The following IQSEC3 variants were observed in gnomAD, a reference collection of about 807,000 sequenced individuals.
IQSEC3 encodes IQ motif and Sec7 domain ArfGEF 3.
Under a neutral mutation model 105.4 loss-of-function variants are expected in IQSEC3, and 50 were observed. That is an observed-to-expected ratio of 0.47 (90% CI 0.38 to 0.60). The LOEUF is 0.60. IQSEC3 is among the 20% of genes least tolerant of loss of function. The pLI is 0.00. For synonymous variants in IQSEC3, 708 were observed against 746.0 expected (o/e 0.95, Z 0.83); for missense variants, 1,415 against 1,630.0 (o/e 0.87, Z 2.27).
chr12:105,217 G>A (rs1477711170), intron 2 of IQSEC3, among the ~76,000 whole-genome samples: 1 of 152,254 alleles, frequency 6.6e-6, no homozygotes, highest in Non-Finnish European at 1.5e-5. Context: ...AGTGTTCTTT[G>A]TCTCCTTCAT....
intron 1 of IQSEC3, among the ~76,000 whole-genome samples, chr12:89,920 T>A (rs1183710317): frequency 6.6e-6 from 1 of 152,268 alleles, no homozygotes; most frequent in Non-Finnish European, 1.5e-5. Context: ...TTTTTGTTTA[T>A]CTTGGGTAAA....
chr12:122,604 C>G (rs1475198206), intron 2 of IQSEC3, among the ~76,000 whole-genome samples: 1 of 152,186 alleles, frequency 6.6e-6, no homozygotes, highest in Admixed American at 6.5e-5. Flanking sequence ...TGGCAGAGTT[C>G]ATTAATTATC....
At chr12:106,556 A>G (rs1864658977) in intron 2 of IQSEC3, 1 of 152,286 alleles carries the variant, frequency 6.6e-6, no homozygotes, top group Non-Finnish European at 1.5e-5. Flanking sequence ...AGTTAAGGAA[A>G]TACCCCTAAC....
chr12:81,641 G>A (rs2136884402), intron 1 of IQSEC3, among the ~76,000 whole-genome samples: 2 of 152,294 alleles, frequency 1.3e-5, no homozygotes, highest in South Asian at 4.1e-4. Flanking sequence ...TTGACGGATG[G>A]CGTTTGAGAC....
chr12:159,796 T>C (rs1866822252), intron 7 of IQSEC3, among the ~76,000 whole-genome samples: 1 of 152,224 alleles, frequency 6.6e-6, no homozygotes, highest in South Asian at 2.1e-4. Flanking sequence ...TTTTCTTAAA[T>C]GTTGTATTTG....
At position 163,583 on chromosome 12, in the gene IQSEC3, T is replaced by C; in HGVS notation, c.2673T>C (p.His891=). The change falls in exon 9 of 14, where the codon CAT becomes CAC. Residue 891 remains histidine (H), a synonymous_variant. Transcript: ENST00000538872. ...DVNKLQKQAA[H]QREVFLFNDL... The stretch of plus-strand genomic sequence containing the variant: ...ACAAGCTGCAGAAGCAGGCAGCGCA[T>C]CAGAGGGAGGTGTTCCTCTTCAATG... 1 of 1,594,116 alleles carries C rather than the reference T, an allele frequency of 6.3e-7. No individual in the cohort carries two copies. The highest frequency in any genetic ancestry group is 8.6e-7 in the Non-Finnish European group (1 of 1,162,912).
At chr12:139,453 T>G in intron 4 of IQSEC3, 99 bp downstream of exon 4, 1 of 1,012,058 alleles carries the variant, frequency 9.9e-7, no homozygotes, top group Non-Finnish European at 1.4e-6. Context: ...GCCAGGTAAC[T>G]TCCCACGTCA....
At chr12:101,970 G>T (rs2136922048) in intron 2 of IQSEC3, among the ~76,000 whole-genome samples, 1 of 152,278 alleles carries the variant, frequency 6.6e-6, no homozygotes, top group East Asian at 1.9e-4. Flanking sequence ...CTCCTCTAGT[G>T]GAATGTGTCA....
At chr12:103,487 G>A (rs1177727232) in intron 2 of IQSEC3, among the ~76,000 whole-genome samples, 11 of 58,554 alleles carry the variant, frequency 1.9e-4, no homozygotes, top group African/African-American at 2.3e-4. Context: ...GAGGGGAGGC[G>A]GGGCTCGGGG....
At chr12:154,986 C>T (rs781837803) in intron 5 of IQSEC3, among the ~76,000 whole-genome samples, 1 of 152,186 alleles carries the variant, frequency 6.6e-6, no homozygotes, top group African/African-American at 2.4e-5. Context: ...TTCACCTCCT[C>T]CAGGCTCTCT....
At chr12:116,870 G>A (rs574428481) in intron 2 of IQSEC3, among the ~76,000 whole-genome samples, 1 of 152,216 alleles carries the variant, frequency 6.6e-6, no homozygotes, top group African/African-American at 2.4e-5. Context: ...GGGAAGGACC[G>A]ACACAAATTC....
chr12:165,663 T>C, intron 10 of IQSEC3, 66 bp from the exon 11 acceptor site: 1 of 1,599,120 alleles, frequency 6.3e-7, no homozygotes, highest in East Asian at 2.2e-5. Context: ...TCCTCATGTC[T>C]GGCTGGCTCT....
At chr12:153,555 C>G (rs1398121101) in intron 5 of IQSEC3, among the ~76,000 whole-genome samples, 2 of 152,174 alleles carry the variant, frequency 1.3e-5, no homozygotes. Context: ...ATTTCACAGC[C>G]AGAAAATGTC....
rs1375335071 is a variant in IQSEC3 at position 175,604 on chromosome 12, T to A, written c.*571T>A. ...AGCCTGAAACTCTCAGGAGTCTACT[T>A]CTTGGTCCCCAGGGACATTGGCTGT... On this transcript the variant is annotated 3_prime_UTR_variant, in exon 14 of 14. Coordinates refer to ENST00000538872, the MANE Select transcript of IQSEC3 (RefSeq NM_001170738.2). 1 of 152,448 alleles carries A rather than the reference T, an allele frequency of 6.6e-6. No homozygotes were observed. Among genetic ancestry groups the A allele is most frequent in the East Asian group, 1.9e-4 (1 of 5,140 alleles). 9.4% of individuals were successfully genotyped at this position (152,448 alleles called of 1,614,324 possible).
chr12:126,594 G>C (rs12578264), intron 3 of IQSEC3, among the ~76,000 whole-genome samples: 1 of 150,680 alleles, frequency 6.6e-6, no homozygotes, highest in African/African-American at 2.4e-5. Flanking sequence ...AAGGTGTGAT[G>C]GTGTGATACT....
chr12:80,931 G>A (rs79410690), intron 1 of IQSEC3, among the ~76,000 whole-genome samples: 3,757 of 152,304 alleles, frequency 0.025, 70 homozygotes, highest in Middle Eastern at 0.068. Flanking sequence ...CTGCCAGGTT[G>A]TTCAAGTAAG....
intron 1 of IQSEC3, among the ~76,000 whole-genome samples, chr12:81,708 A>G (rs1863751653): frequency 6.6e-6 from 1 of 152,192 alleles, no homozygotes; most frequent in South Asian, 2.1e-4. Flanking sequence ...GGCTGGAGGT[A>G]TAACTTTGGG....
At chr12:160,296 CTG>C (rs1173138494) in intron 7 of IQSEC3, among the ~76,000 whole-genome samples, 1 of 152,078 alleles carries the variant, frequency 6.6e-6, no homozygotes, top group Non-Finnish European at 1.5e-5. Flanking sequence ...ATGAATGACT[CTG>C]TGAACACAGG....
At chr12:121,314 A>G (rs1865211382) in intron 2 of IQSEC3, among the ~76,000 whole-genome samples, 2 of 152,224 alleles carry the variant, frequency 1.3e-5, no homozygotes, top group Non-Finnish European at 2.9e-5. Flanking sequence ...TTCCACTATG[A>G]CAGCCTAAGG....
Sources: gnomAD v4.1 joint callset for allele counts (sites outside exome capture counted in the v4.1 genomes callset) on GRCh38, gnomAD v4.1.1 for gene constraint, MANE v1.5 for transcripts, NCBI Gene and HGNC (gene_info 2026-07-23, HGNC 2026-07-21) for gene names.